Variants in EFCAB5 observed in about 807,000 individuals in gnomAD.
The protein encoded by EFCAB5 is EF-hand calcium binding domain 5, also known as EF-hand calcium-binding domain-containing protein 5.
In EFCAB5, 131 loss-of-function variants were observed where a neutral mutation model predicts 167.9. The ratio of observed to expected loss-of-function variants is 0.78; its 90% CI spans 0.68 to 0.90. The LOEUF is 0.90. EFCAB5 is among the 40% of genes least tolerant of loss of function. The probability of loss-of-function intolerance (pLI) is 0.00; values close to 1 mark genes in which losing one functional copy is unlikely to be tolerated. For synonymous variants in EFCAB5, 574 were observed against 602.8 expected (o/e 0.95, Z 0.70); for missense variants, 1,663 against 1,745.2 (o/e 0.95, Z 0.84).
intron 1 of EFCAB5, among the ~76,000 whole-genome samples, chr17:29,935,119 A>G (rs1348439508): frequency 6.6e-6 from 1 of 152,226 alleles, no homozygotes; most frequent in Non-Finnish European, 1.5e-5. Flanking sequence ...ATAAATTAAT[A>G]TAGCACAGAT....
intron 7 of EFCAB5, among the ~76,000 whole-genome samples, chr17:30,024,399 G>A (rs1226826955): frequency 6.6e-6 from 1 of 152,122 alleles, no homozygotes; most frequent in Non-Finnish European, 1.5e-5. Context: ...CAGACAAAAA[G>A]AGAGCCAAAT....
At chr17:29,940,197 T>C (rs1206458911), upstream of EFCAB5, among the ~76,000 whole-genome samples, 1 of 151,942 alleles carries the variant, frequency 6.6e-6, no homozygotes, top group Non-Finnish European at 1.5e-5. Flanking sequence ...TGCCTCAGCC[T>C]CCTGCGTAGC....
chr17:29,998,449 A>G (rs1190610329), intron 6 of EFCAB5, among the ~76,000 whole-genome samples: 1 of 152,152 alleles, frequency 6.6e-6, no homozygotes, highest in Non-Finnish European at 1.5e-5. Flanking sequence ...AGTTCCAGAT[A>G]CTGTAATGAG....
intron 4 of EFCAB5, among the ~76,000 whole-genome samples, chr17:29,983,650 T>G (rs2068222655): frequency 6.6e-6 from 1 of 152,106 alleles, no homozygotes; most frequent in African/African-American, 2.4e-5. Context: ...AAATTAAGAG[T>G]TTTGGATGCT....
rs1203848506 is a variant in EFCAB5, at chr17:30,002,644, G to GT, written c.1044+2674dup. Among the ~76,000 whole-genome samples, 6 of 152,246 alleles carry GT rather than the reference G, an allele frequency of 3.9e-5. No individual in the cohort carries two copies. In the East Asian group the frequency reaches 1.2e-3, roughly 29 times the overall value. Reference sequence around the variant, plus strand: ...AGAAAAGTCTGTTGTATTTACCTGTGTTTTTTGCTTTTTTCATTGTTCTTC... The same window carrying GT: ...AGAAAAGTCTGTTGTATTTACCTGTGTTTTTTTGCTTTTTTCATTGTTCTTC... On this transcript the variant is annotated intron_variant, in intron 7 of 22. Coordinates refer to ENST00000394835, the MANE Select transcript of EFCAB5 (RefSeq NM_198529.4).
chr17:29,947,003 G>C (rs1312167224), intron 3 of EFCAB5, among the ~76,000 whole-genome samples: 1 of 151,732 alleles, frequency 6.6e-6, no homozygotes, highest in Admixed American at 6.6e-5. Context: ...GTGAAACCCC[G>C]TCTGTACTAA....
intron 10 of EFCAB5, 34 bp downstream of exon 10, chr17:30,054,182 C>G (rs1402268763): frequency 6.8e-7 from 1 of 1,481,130 alleles, no homozygotes; most frequent in Middle Eastern, 1.8e-4. Flanking sequence ...CATCAGTTCC[C>G]TGTTTTGTGG....
At chr17:30,087,338 G>A (rs1370614173) in intron 19 of EFCAB5, among the ~76,000 whole-genome samples, 172 bp downstream of exon 19, 1 of 152,040 alleles carries the variant, frequency 6.6e-6, no homozygotes, top group African/African-American at 2.4e-5. Context: ...GGACGTGCAG[G>A]TTTGTTACAC....
chr17:30,092,570 G>A (rs1372095854), intron 21 of EFCAB5, among the ~76,000 whole-genome samples: 1 of 152,030 alleles, frequency 6.6e-6, no homozygotes, highest in Non-Finnish European at 1.5e-5. Flanking sequence ...TGTATTTTTA[G>A]TTGAAACTGG....
At chr17:30,020,320 G>A (rs762686440) in intron 7 of EFCAB5, among the ~76,000 whole-genome samples, 12 of 148,604 alleles carry the variant, frequency 8.1e-5, no homozygotes, top group Non-Finnish European at 1.6e-4. Context: ...TCCTTCTTTC[G>A]GCTTAGTTTA....
At chr17:29,995,345 A>G (rs2068522312) in intron 5 of EFCAB5, among the ~76,000 whole-genome samples, 1 of 152,222 alleles carries the variant, frequency 6.6e-6, no homozygotes, top group Admixed American at 6.5e-5. Flanking sequence ...AAAGTTAACA[A>G]GCAAAATGCC....
At chr17:30,008,828 G>C (rs1029420687) in intron 7 of EFCAB5, among the ~76,000 whole-genome samples, 16 of 152,050 alleles carry the variant, frequency 1.1e-4, no homozygotes, top group Non-Finnish European at 1.5e-5. Context: ...CTGCAAACTT[G>C]GTTGCTGAAA....
At chr17:30,069,276 CA>C in intron 14 of EFCAB5, 1 of 1,498,728 alleles carries the variant, frequency 6.7e-7, no homozygotes, top group Admixed American at 1.7e-5. Flanking sequence ...GAATTGGGAA[CA>C]TGGGGAGATG....
At chr17:29,977,288 G>A (rs1252044686) in intron 4 of EFCAB5, among the ~76,000 whole-genome samples, 1 of 152,032 alleles carries the variant, frequency 6.6e-6, no homozygotes, top group Non-Finnish European at 1.5e-5. Context: ...ACTCATATAT[G>A]TTAAAATTCA....
Position 29,993,301 on chromosome 17 carries a change from G to A in EFCAB5, c.904G>A (p.Gly302Arg), listed in dbSNP as rs777150972. The change falls in exon 5 of 23, where the codon GGA becomes AGA. Residue 302 changes from glycine to arginine, a missense_variant. Transcript: ENST00000394835. ...CGATGAATGGATTCTAGACCCTAAA[G>A]GAATGATTCCTAAGTCAGTGGTAAG... ...QFDEWILDPK[G>R]MIPKSVIQNV... The A allele has an allele frequency of 6.2e-7, 1 of 1,612,700 alleles. No individual in the cohort carries two copies.
intron 22 of EFCAB5, among the ~76,000 whole-genome samples, chr17:30,096,739 GC>G (rs2071299961): frequency 7.4e-6 from 1 of 134,620 alleles, no homozygotes; most frequent in Admixed American, 8.0e-5. Context: ...GAATGCAGTG[GC>G]CCAATCTCAG....
At chr17:30,082,868 A>G (rs1373930724) in intron 17 of EFCAB5, 23 bp from the exon 18 acceptor site, 1 of 1,590,862 alleles carries the variant, frequency 6.3e-7, no homozygotes, top group Non-Finnish European at 8.6e-7. Context: ...AGAATAGGCT[A>G]TTTGAATTTT....
At chr17:29,999,261 T>G (rs60659852) in intron 6 of EFCAB5, among the ~76,000 whole-genome samples, 1 of 151,978 alleles carries the variant, frequency 6.6e-6, no homozygotes, top group African/African-American at 2.4e-5. Context: ...AAAAAGCAAG[T>G]TGCACATCAA....
intron 14 of EFCAB5, among the ~76,000 whole-genome samples, chr17:30,075,903 A>G (rs1483520078): frequency 3.3e-5 from 5 of 152,240 alleles, no homozygotes. Flanking sequence ...GGGGAAAAAG[A>G]AGAAGAAATG....
Sources: allele counts gnomAD v4.1 joint callset (sites outside exome capture counted in the v4.1 genomes callset), GRCh38; gene constraint gnomAD v4.1.1; transcripts MANE v1.5; gene names NCBI Gene and HGNC (gene_info 2026-07-23, HGNC 2026-07-21).